ZNRD2: variants seen among roughly 807,000 people sequenced by gnomAD.
ZNRD2 encodes the protein zinc ribbon domain containing 2, also known as protein ZNRD2.
ZNRD2 carries 16 observed loss-of-function variants against 22.0 expected under a neutral mutation model. The observed-to-expected ratio is 0.73, with a 90% CI of 0.49 to 1.11. The LOEUF (loss-of-function observed/expected upper bound fraction) is 1.11, where lower values mean the gene tolerates loss of function less well. Among genes scored for constraint, ZNRD2 ranks in the 50% least tolerant of loss-of-function variants. The probability of loss-of-function intolerance (pLI) is 0.00; values close to 1 mark genes in which losing one functional copy is unlikely to be tolerated. For missense variants in ZNRD2, 269 were observed against 258.9 expected, an observed-to-expected ratio of 1.04 and a Z score of -0.27; for synonymous variants, 105 against 109.8, an observed-to-expected ratio of 0.96 and a Z score of 0.27.
chr11:65,571,751 A>G lies in ZNRD2; in HGVS notation c.*17A>G. The G allele has an allele frequency of 1.9e-6, 3 of 1,565,022 alleles. No homozygotes were observed. Among genetic ancestry groups the G allele is most frequent in the Non-Finnish European group, 2.6e-6 (3 of 1,155,204 alleles). On this transcript the variant is annotated 3_prime_UTR_variant, in exon 4 of 4. Transcript: ENST00000309328. ...CAGCACTAAGAGAAGCCCCTGAGAA[A>G]AACCCTCTAGAAAAACAGCTGTTCC...
In ZNRD2 at chr11:65,570,902, A is replaced by G. The variant is rs751723522; in HGVS notation, c.188A>G (p.Asp63Gly). The change falls in exon 3 of 4, where the codon GAC becomes GGC. Residue 63 changes from aspartate (D) to glycine (G), a missense_variant. Transcript: ENST00000309328. Reference protein sequence around the residue: ...CADCGTILLQDKQRKIYCVAC... With the variant: ...CADCGTILLQGKQRKIYCVAC... ...GGTCCGTAGACGATCCTCCTCCAAG[A>G]CAAACAGCGGAAAATCTACTGCGTG... 1 of 1,614,144 alleles carries G rather than the reference A, an allele frequency of 6.2e-7. No homozygotes were observed. The highest frequency in any genetic ancestry group is 8.5e-7 in the Non-Finnish European group (1 of 1,180,020).
intron 3 of ZNRD2, 29 bp downstream of exon 3, chr11:65,570,999 G>C: frequency 6.3e-7 from 1 of 1,595,620 alleles, no homozygotes; most frequent in Non-Finnish European, 8.6e-7. Flanking sequence ...CCGGGAGAGG[G>C]GCCGGATATG....
Position 65,571,420 on chromosome 11 carries a change from G to C in ZNRD2, c.286G>C (p.Ala96Pro). The C allele has an allele frequency of 2.5e-6, 4 of 1,607,538 alleles. No homozygotes were observed. The highest frequency in any genetic ancestry group is 3.4e-6 in the Non-Finnish European group (4 of 1,175,682). Reference protein sequence around the residue: ...ALNAQAALSQAREHQLASASE... With the variant: ...ALNAQAALSQPREHQLASASE... ...GAATGCCCAGGCTGCCCTCTCCCAA[G>C]CTCGGGAGCACCAGCTGGCCTCAGC... The change falls in exon 4 of 4, where the codon GCT (alanine) becomes CCT (proline). Residue 96 changes from alanine to proline, a missense_variant. Transcript: ENST00000309328.
chr11:65,570,820 C>T (rs1354407699), intron 2 of ZNRD2, 65 bp downstream of exon 2: 4 of 1,612,386 alleles, frequency 2.5e-6, no homozygotes, highest in African/African-American at 2.7e-5. Flanking sequence ...AGCCCTTCCC[C>T]GGCCCTCCCC....
chr11:65,570,892 C>A lies in ZNRD2; in HGVS notation c.178C>A (p.Leu60Ile), dbSNP rs143562975. Reference protein sequence around the residue: ...GETCADCGTILLQDKQRKIYC... With the variant: ...GETCADCGTIILQDKQRKIYC... ...TGTGCTTTTTGGTCCGTAGACGATCCTCCTCCAAGACAAACAGCGGAAAAT... is the reference window on the plus strand; with the variant it reads ...TGTGCTTTTTGGTCCGTAGACGATCATCCTCCAAGACAAACAGCGGAAAAT... The change falls in exon 3 of 4, where the codon CTC becomes ATC. Residue 60 changes from leucine (L) to isoleucine (I), a missense_variant. Transcript: ENST00000309328. 3.5e-4 allele frequency: 571 copies of A among 1,614,166 alleles called. 1 individual carries two copies. Among genetic ancestry groups the A allele is most frequent in the Non-Finnish European group, 3.7e-4 (442 of 1,180,022 alleles).
In ZNRD2 at chr11:65,571,457, C is replaced by G. The variant is rs1351816982; in HGVS notation, c.323C>G (p.Pro108Arg). The change falls in exon 4 of 4, where the codon CCC becomes CGC. Residue 108 changes from proline (P) to arginine (R), a missense_variant. Coordinates refer to ENST00000309328, the MANE Select transcript of ZNRD2 (RefSeq NM_006396.3). ...CAGCTGGCCTCAGCCTCAGAGCTCC[C>G]CCTGGGCTCTCGACCTGCGCCCCAG... ...EHQLASASEL[P>R]LGSRPAPQPP... The G allele has an allele frequency of 1.2e-6, 2 of 1,613,420 alleles. No individual in the cohort carries two copies. The highest frequency in any genetic ancestry group is 1.7e-5 in the Admixed American group (1 of 59,994).
At chr11:65,571,270 C>T (rs1857120147) in intron 3 of ZNRD2, 121 bp from the exon 4 acceptor site, 1 of 1,271,514 alleles carries the variant, frequency 7.9e-7, no homozygotes, top group South Asian at 1.5e-5. Context: ...GGATGAGTTG[C>T]CTTATAGAGG....
intron 2 of ZNRD2, 51 bp from the exon 3 acceptor site, chr11:65,570,835 G>A (rs1409895471): frequency 1.9e-6 from 3 of 1,613,600 alleles, no homozygotes; most frequent in Admixed American, 3.3e-5. Flanking sequence ...CTCCCCTCTG[G>A]ACCCCATTGC....
rs1316392848 is a variant in ZNRD2 at position 65,571,462 on chromosome 11, GGCTCTCGACCTGC to G, written c.331_343del (p.Ser111ProfsTer47). The G allele has an allele frequency of 6.2e-7, 1 of 1,613,402 alleles. No homozygotes were observed. The highest frequency in any genetic ancestry group is 8.5e-7 in the Non-Finnish European group (1 of 1,179,918). ...GGCCTCAGCCTCAGAGCTCCCCCTGGGCTCTCGACCTGCGCCCCAGCCCCCAGTACCTCGTCCG... is the reference window on the plus strand; with the variant it reads ...GGCCTCAGCCTCAGAGCTCCCCCTGGGCCCCAGCCCCCAGTACCTCGTCCG... On this transcript the variant is annotated frameshift_variant, in exon 4 of 4. Transcript: ENST00000309328. LOFTEE classifies it high-confidence loss of function.
In ZNRD2 at chr11:65,570,975, G is replaced by A; in HGVS notation, c.256+5G>A. On this transcript the variant is annotated splice_donor_5th_base_variant and intron_variant, in intron 3 of 3. Transcript: ENST00000309328. ...ACGTGGATAAAGATAATCCCGGTAA[G>A]AGTAAAAAATAATCCGGGAGAGGGG... The A allele has an allele frequency of 6.2e-7, 1 of 1,613,798 alleles. No homozygotes were observed. The highest frequency in any genetic ancestry group is 8.5e-7 in the Non-Finnish European group (1 of 1,179,760).
chr11:65,571,761 G>T lies in ZNRD2; in HGVS notation c.*27G>T, dbSNP rs772655549. The T allele has an allele frequency of 4.5e-6, 7 of 1,546,554 alleles. No individual in the cohort carries two copies. In the African/African-American group the frequency reaches 9.7e-5, roughly 21 times the overall value. ...AGAAGCCCCTGAGAAAAACCCTCTA[G>T]AAAAACAGCTGTTCCTCTGTGTGGT... On this transcript the variant is annotated 3_prime_UTR_variant, in exon 4 of 4. Coordinates refer to ENST00000309328, the MANE Select transcript of ZNRD2 (RefSeq NM_006396.3).
chr11:65,571,016 G>C (rs374363307), intron 3 of ZNRD2, 46 bp downstream of exon 3: 4 of 1,569,692 alleles, frequency 2.5e-6, no homozygotes, highest in Non-Finnish European at 1.7e-6. Flanking sequence ...TATGCTTAGG[G>C]GGGAAGCGTG....
chr11:65,571,309 G>T, intron 3 of ZNRD2, 82 bp from the exon 4 acceptor site: 1 of 1,489,322 alleles, frequency 6.7e-7, no homozygotes, highest in South Asian at 1.4e-5. Flanking sequence ...AGCACAGAAA[G>T]AGCAGAGCAG....
Position 65,570,691 on chromosome 11 carries a change from G to T in ZNRD2, c.107G>T (p.Arg36Leu), listed in dbSNP as rs769748390. ...CGGGAGCGGCAAGATCGCATCTCCC[G>T]GCTCATGGGCGACTATCTGCTGCGC... ...ARRERQDRIS[R>L]LMGDYLLRGY... Residue 36 changes from arginine to leucine, a missense_variant, in exon 2 of 4, where the codon CGG becomes CTG. Coordinates refer to ENST00000309328, the MANE Select transcript of ZNRD2 (RefSeq NM_006396.3). 1 of 1,613,830 alleles carries T rather than the reference G, an allele frequency of 6.2e-7. No individual in the cohort carries two copies. Among genetic ancestry groups the T allele is most frequent in the South Asian group, 1.1e-5 (1 of 91,084 alleles).
Position 65,570,940 on chromosome 11 carries a change from C to A in ZNRD2, c.226C>A (p.Leu76Ile), listed in dbSNP as rs1857113297. The A allele has an allele frequency of 1.9e-6, 3 of 1,614,154 alleles. No homozygotes were observed. The highest frequency in any genetic ancestry group is 2.5e-6 in the Non-Finnish European group (3 of 1,180,018). Residue 76 changes from leucine (L) to isoleucine (I), a missense_variant, in exon 3 of 4, where the codon CTC becomes ATC. Transcript: ENST00000309328. ...RKIYCVACQELDSDVDKDNPA... is the reference protein window; with the variant it reads ...RKIYCVACQEIDSDVDKDNPA... Reference sequence around the variant, plus strand: ...AATCTACTGCGTGGCTTGTCAGGAACTCGACTCAGACGTGGATAAAGATAA... The same window carrying A: ...AATCTACTGCGTGGCTTGTCAGGAAATCGACTCAGACGTGGATAAAGATAA...
In ZNRD2 at chr11:65,571,812, G is replaced by T; in HGVS notation, c.*78G>T. The T allele has an allele frequency of 6.8e-7, 1 of 1,461,546 alleles. No individual in the cohort carries two copies. Among genetic ancestry groups the T allele is most frequent in the Non-Finnish European group, 9.0e-7 (1 of 1,107,402 alleles). 90.5% of individuals were successfully genotyped at this position (1,461,546 alleles called of 1,614,324 possible). The stretch of plus-strand genomic sequence containing the variant: ...TTGTTTTTTTCCTGGTTCCAAGTGT[G>T]CATGCCAGCCCCAGCTCCACTCACC... On this transcript the variant is annotated 3_prime_UTR_variant, in exon 4 of 4. Transcript: ENST00000309328.
rs1418446142 is a variant in ZNRD2, at chr11:65,571,726, CAGCACTAAGAGA to C, written c.596_*7del. 6.2e-7 allele frequency: 1 copy of C among 1,606,012 alleles called. No individual in the cohort carries two copies. The highest frequency in any genetic ancestry group is 8.5e-7 in the Non-Finnish European group (1 of 1,175,832). On this transcript the variant is annotated stop_lost and 3_prime_UTR_variant, in exon 4 of 4. Transcript: ENST00000309328. ...GGCCCTGCGCAGCCTGCAGCAGCTA[CAGCACTAAGAGA>C]AGCCCCTGAGAAAAACCCTCTAGAA... is the stretch of plus-strand genomic sequence containing the variant.
chr11:65,571,245 T>C (rs1440559418), intron 3 of ZNRD2, 146 bp from the exon 4 acceptor site: 40 of 1,087,708 alleles, frequency 3.7e-5, no homozygotes, highest in Non-Finnish European at 4.9e-5. Flanking sequence ...ATAAATGTGA[T>C]ACAAAGTAGA....
Position 65,571,771 on chromosome 11 carries a change from T to C in ZNRD2, c.*37T>C, listed in dbSNP as rs545342723. ...GAGAAAAACCCTCTAGAAAAACAGC[T>C]GTTCCTCTGTGTGGTTTGTTTTTTT... On this transcript the variant is annotated 3_prime_UTR_variant, in exon 4 of 4. Coordinates refer to ENST00000309328, the MANE Select transcript of ZNRD2 (RefSeq NM_006396.3). 5 of 1,515,338 alleles carry C rather than the reference T, an allele frequency of 3.3e-6. No homozygotes were observed. Among genetic ancestry groups the C allele is most frequent in the Non-Finnish European group, 4.4e-6 (5 of 1,130,918 alleles). 93.9% of individuals were successfully genotyped at this position (1,515,338 alleles called of 1,614,324 possible).
Sources: gnomAD v4.1 joint callset for allele counts on GRCh38, gnomAD v4.1.1 for gene constraint, MANE v1.5 for transcripts, NCBI Gene and HGNC (gene_info 2026-07-23, HGNC 2026-07-21) for gene names.